LETMD1: variants seen among roughly 807,000 people sequenced by gnomAD.
LETMD1 encodes LETM1 domain-containing protein 1.
LETMD1 carries 30 observed loss-of-function variants against 43.9 expected under a neutral mutation model. The observed-to-expected ratio is 0.68, with a 90% confidence interval of 0.51 to 0.93. The LOEUF (loss-of-function observed/expected upper bound fraction) is 0.93. Ranked by LOEUF, LETMD1 falls within the 40% of genes least tolerant of loss-of-function variation. The pLI, the probability that LETMD1 is intolerant of heterozygous loss-of-function variation, is 0.00. For missense variants in LETMD1, 413 were observed against 447.7 expected, an observed-to-expected ratio of 0.92 and a Z score of 0.70; for synonymous variants, 176 against 163.1, an observed-to-expected ratio of 1.08 and a Z score of -0.60.
At chr12:51,051,672 A>C (rs1318753175) in intron 2 of LETMD1, among the ~76,000 whole-genome samples, 3 of 152,156 alleles carry the variant, frequency 2.0e-5, no homozygotes. Flanking sequence ...GCACCACTGC[A>C]CTCCAGCCTG....
chr12:51,066,195 C>G, the LETMD1 span, among the ~76,000 whole-genome samples: 2 of 152,162 alleles, frequency 1.3e-5, no homozygotes, highest in African/African-American at 4.8e-5. Context: ...TGGCTCACGC[C>G]TGTAATCCCA....
chr12:51,056,015 C>T lies in LETMD1; in HGVS notation c.654C>T (p.Cys218=), dbSNP rs1947599146. 1.9e-6 allele frequency: 3 copies of T among 1,613,332 alleles called. No homozygotes were observed. The highest frequency in any genetic ancestry group is 2.5e-6 in the Non-Finnish European group (3 of 1,179,598). Residue 218 remains cysteine, a synonymous_variant, in exon 5 of 9, where the codon TGC becomes TGT. Coordinates refer to ENST00000262055, the MANE Select transcript of LETMD1 (RefSeq NM_015416.5). ...TCCGGTGGCGTCTGACAGATCTGTG[C>T]ACCAAGGTATTCCTGCAGTTAACCC... ...AGLRWRLTDL[C]TKIQRGTHPA...
At chr12:51,067,679 T>C in the LETMD1 span, 1 of 1,613,254 alleles carries the variant, frequency 6.2e-7, no homozygotes, top group Non-Finnish European at 8.5e-7. This position sits in a 1 kb window ranked among gnomAD's most constrained non-coding sequence, Gnocchi z 4.1. Context: ...TGACCTGGCA[T>C]TTAATCCCAG....
chr12:51,055,196 C>G (rs1025230171), intron 4 of LETMD1, among the ~76,000 whole-genome samples: 1 of 152,138 alleles, frequency 6.6e-6, no homozygotes, highest in Non-Finnish European at 1.5e-5. Context: ...GTGTCCTGGT[C>G]AGGCTGCAAC....
chr12:51,068,834 A>G, the LETMD1 span, among the ~76,000 whole-genome samples: 1 of 152,220 alleles, frequency 6.6e-6, no homozygotes, highest in African/African-American at 2.4e-5. Context: ...GGTCTTAATC[A>G]ATGAACCCAA....
Position 51,059,891 on chromosome 12 carries a change from A to T in LETMD1, c.*460A>T, listed in dbSNP as rs1026994. On this transcript the variant is annotated 3_prime_UTR_variant, in exon 9 of 9. Coordinates refer to ENST00000262055, the MANE Select transcript of LETMD1 (RefSeq NM_015416.5). ...AACAGCACTCCTTTGGCTGGAGCAC[A>T]TGTGTCCGTGCATGTACTTGGGTGT... is the stretch of plus-strand genomic sequence containing the variant. 151,392 of 164,308 alleles carry T rather than the reference A, an allele frequency of 0.92. 69,801 individuals carry two copies. Among genetic ancestry groups the T allele is most frequent in the East Asian group, 0.98 (5,773 of 5,872 alleles). The allele number at this position is 164,308 out of a possible 1,614,324, so 10.2% of individuals were successfully genotyped here.
rs1462147455 is a variant in LETMD1, at chr12:51,048,403, C to T, written c.47C>T (p.Ser16Leu). Residue 16 changes from serine to leucine, a missense_variant, in exon 1 of 9, where the codon TCG (serine) becomes TTG (leucine). By Grantham distance (145) the Ser-to-Leu change is moderately radical (BLOSUM62 -2). Transcript: ENST00000262055. ...TGGGCTCGGTCGGCTGTGTGGGGCT[C>T]GGCAGTCACCCCTGGACATTTTGTC... ...VCWARSAVWG[S>L]AVTPGHFVTR... 5.6e-6 allele frequency: 9 copies of T among 1,613,978 alleles called. No homozygotes were observed. In the Admixed American group the frequency reaches 1.3e-4, roughly 24 times the overall value.
chr12:51,063,520 GCTTT>G (rs1448528577), downstream of LETMD1: 3 of 362,608 alleles, frequency 8.3e-6, no homozygotes, highest in Non-Finnish European at 1.5e-5. Flanking sequence ...GCACTACGCA[GCTTT>G]CTTTGCCCCA....
chr12:51,052,735 C>G (rs1946523236), intron 3 of LETMD1, among the ~76,000 whole-genome samples: 1 of 151,440 alleles, frequency 6.6e-6, no homozygotes, highest in Non-Finnish European at 1.5e-5. Context: ...GAGCCAAAAT[C>G]ATGCCATTGC....
At chr12:51,057,241 A>C (rs1947990154) in intron 7 of LETMD1, among the ~76,000 whole-genome samples, 1 of 151,994 alleles carries the variant, frequency 6.6e-6, no homozygotes, top group Admixed American at 6.6e-5. Context: ...GTCTCAAAAA[A>C]AACCCAAAAA....
downstream of LETMD1, among the ~76,000 whole-genome samples, chr12:51,060,580 G>A (rs1231202857): frequency 6.6e-6 from 1 of 152,178 alleles, no homozygotes; most frequent in African/African-American, 2.4e-5. Flanking sequence ...ACTTTAAGGT[G>A]ATAACAAGGA....
intron 8 of LETMD1, chr12:51,058,791 C>G (rs1948452819): frequency 6.2e-6 from 1 of 160,436 alleles, no homozygotes; most frequent in Non-Finnish European, 1.4e-5. Flanking sequence ...CCAGTAGCAC[C>G]CCTTCACCCA....
Position 51,059,379 on chromosome 12 carries a change from T to C in LETMD1, c.1031T>C (p.Leu344Ser), listed in dbSNP as rs148203389. Reference sequence around the variant, plus strand: ...TTTTCAGAAGCTGAGCTGTCTCTCTTGCTGCACAACGTGGTCCTGCTCTCC... The same window carrying C: ...TTTTCAGAAGCTGAGCTGTCTCTCTCGCTGCACAACGTGGTCCTGCTCTCC... ...CSLKEAELSL[L>S]LHNVVLLSTN... is the part of the protein sequence containing the mutation. The change falls in exon 9 of 9, where the codon TTG (leucine) becomes TCG (serine). Residue 344 changes from leucine to serine, a missense_variant. Leu to Ser is a moderately radical substitution (Grantham distance 145). Transcript: ENST00000262055. 1.9e-6 allele frequency: 3 copies of C among 1,614,106 alleles called. No individual in the cohort carries two copies. Among genetic ancestry groups the C allele is most frequent in the African/African-American group, 2.7e-5 (2 of 74,950 alleles).
chr12:51,060,574 T>G (rs1271884790), downstream of LETMD1: 4 of 152,174 alleles, frequency 2.6e-5, no homozygotes, highest in African/African-American at 4.8e-5. Flanking sequence ...CTGGACACTT[T>G]AAGGTGATAA....
intron 3 of LETMD1, 122 bp from the exon 4 acceptor site, chr12:51,053,656 A>G: frequency 1.5e-6 from 1 of 682,702 alleles, no homozygotes; most frequent in Non-Finnish European, 2.6e-6. Flanking sequence ...AAGAAAAAGA[A>G]AGAAATTTGG....
intron 4 of LETMD1, among the ~76,000 whole-genome samples, chr12:51,054,926 C>G (rs1221273388): frequency 6.6e-6 from 1 of 152,104 alleles, no homozygotes; most frequent in Non-Finnish European, 1.5e-5. Flanking sequence ...CAGTGAAACC[C>G]TGTCTCTACT....
At chr12:51,048,308 A>C (rs771972688), upstream of LETMD1, 7 of 1,613,222 alleles carry the variant, frequency 4.3e-6, no homozygotes, top group African/African-American at 8.0e-5. Flanking sequence ...CGTACGGTTA[A>C]CTTTGACCCA....
chr12:51,064,090 C>G, downstream of LETMD1: 1 of 1,614,228 alleles, frequency 6.2e-7, no homozygotes. Context: ...TCTCCTTTCA[C>G]TCCCAAGACT....
rs1286540424 is a variant in LETMD1, at chr12:51,058,214, G to C, written c.1012+86G>C. The C allele has an allele frequency of 6.0e-6, 5 of 839,082 alleles. No individual in the cohort carries two copies. The Admixed American group carries it at 7.4e-5, about 12-fold the overall frequency. 52.0% of individuals were successfully genotyped at this position (839,082 alleles called of 1,614,324 possible). ...AGGTCATTTTGGAGTTAATTATTGA[G>C]TACTGTGAGACATATATATACATAC... On this transcript the variant is annotated intron_variant, in intron 8 of 8. Coordinates refer to ENST00000262055, the MANE Select transcript of LETMD1 (RefSeq NM_015416.5).
Sources: gnomAD v4.1 joint callset for allele counts (sites outside exome capture counted in the v4.1 genomes callset) on GRCh38, gnomAD v4.1.1 for gene constraint, Gnocchi (gnomAD v3.1) non-coding constraint, MANE v1.5 for transcripts, NCBI Gene and HGNC (gene_info 2026-07-23, HGNC 2026-07-21) for gene names.